The following CYP2C19 variants were observed in gnomAD, a reference collection of about 807,000 sequenced individuals.
CYP2C19 encodes the protein cytochrome P450 family 2 subfamily C member 19.
In CYP2C19, 59 loss-of-function variants were observed where a neutral mutation model predicts 40.9. The observed-to-expected ratio is 1.44, with a 90% CI of 1.17 to 1.79. The LOEUF (loss-of-function observed/expected upper bound fraction) is 1.79. CYP2C19 is among the 40% of genes most tolerant of loss of function. CYP2C19 has a pLI of 0.00. For missense variants in CYP2C19, 754 were observed against 596.9 expected (o/e 1.26, Z -2.74); for synonymous variants, 253 against 208.7 (o/e 1.21, Z -1.83).
At chr10:94,846,970 G>T (rs1012645033) in intron 7 of CYP2C19, among the ~76,000 whole-genome samples, 6 of 152,056 alleles carry the variant, frequency 3.9e-5, no homozygotes, top group Non-Finnish European at 7.4e-5. Flanking sequence ...TCTAGAAGAC[G>T]TCGTTTGAAG....
At chr10:94,802,635 G>A (rs1411574193) in intron 5 of CYP2C19, among the ~76,000 whole-genome samples, 3 of 152,068 alleles carry the variant, frequency 2.0e-5, no homozygotes, top group African/African-American at 7.2e-5. Context: ...TATGATGTTA[G>A]CCAGTTATTT....
chr10:94,820,349 C>G (rs570283250), intron 5 of CYP2C19, 147 bp from the exon 6 acceptor site: 293 of 896,072 alleles, frequency 3.3e-4, no homozygotes, highest in Middle Eastern at 6.9e-4. Flanking sequence ...GATGCCCTCT[C>G]TCACCGCTCC....
chr10:94,789,894 G>A (rs1477084846), intron 5 of CYP2C19, among the ~76,000 whole-genome samples: 1 of 152,146 alleles, frequency 6.6e-6, no homozygotes, highest in Non-Finnish European at 1.5e-5. Flanking sequence ...CTCAATGGTA[G>A]CTTGATGGGG....
At chr10:94,774,567 A>G (rs541035683) in intron 1 of CYP2C19, 1 of 168,052 alleles carries the variant, frequency 6.0e-6, no homozygotes, top group East Asian at 1.7e-4. Context: ...TGCTTTTACT[A>G]TAAATGCTAT....
chr10:94,829,734 C>A (rs1317447510), intron 6 of CYP2C19, among the ~76,000 whole-genome samples: 2 of 151,928 alleles, frequency 1.3e-5, no homozygotes, highest in South Asian at 2.1e-4. Context: ...AGGCGCTCTG[C>A]TTTTTAGAGT....
chr10:94,847,677 A>G (rs1044042623), intron 7 of CYP2C19, among the ~76,000 whole-genome samples: 2 of 152,180 alleles, frequency 1.3e-5, no homozygotes, highest in South Asian at 2.1e-4. Context: ...TGGTTGAACT[A>G]GTTTACAGTC....
chr10:94,778,829 C>T (rs1848444864), intron 3 of CYP2C19, among the ~76,000 whole-genome samples: 2 of 152,132 alleles, frequency 1.3e-5, no homozygotes. Context: ...TTTATTGCAG[C>T]ACTATTTACA....
intron 6 of CYP2C19, among the ~76,000 whole-genome samples, chr10:94,829,742 A>T (rs960924033): frequency 6.6e-6 from 1 of 151,452 alleles, no homozygotes; most frequent in African/African-American, 2.4e-5. Context: ...TGCTTTTTAG[A>T]GTTTCCAGTT....
intron 8 of CYP2C19, among the ~76,000 whole-genome samples, chr10:94,851,385 G>T (rs1169954269): frequency 1.3e-5 from 2 of 151,450 alleles, no homozygotes; most frequent in East Asian, 3.9e-4. Flanking sequence ...CCAACACTGG[G>T]AATTAGAATT....
chr10:94,808,709 A>G (rs923372720), intron 5 of CYP2C19, among the ~76,000 whole-genome samples: 2 of 152,052 alleles, frequency 1.3e-5, no homozygotes, highest in African/African-American at 2.4e-5. Flanking sequence ...TTCCTGGTTT[A>G]TTTCACTTAA....
chr10:94,789,416 G>T (rs1457637264), intron 5 of CYP2C19, among the ~76,000 whole-genome samples: 1 of 151,934 alleles, frequency 6.6e-6, no homozygotes, highest in Non-Finnish European at 1.5e-5. Flanking sequence ...TAAAGTCCTT[G>T]CCCATGCCTA....
At chr10:94,833,332 G>A (rs1849358333) in intron 6 of CYP2C19, among the ~76,000 whole-genome samples, 1 of 152,100 alleles carries the variant, frequency 6.6e-6, no homozygotes, top group Admixed American at 6.5e-5. Context: ...TCCTTGTCAT[G>A]TTCATGATCT....
intron 1 of CYP2C19, among the ~76,000 whole-genome samples, chr10:94,767,115 G>A (rs545816525): frequency 2.0e-5 from 3 of 152,246 alleles, no homozygotes; most frequent in African/African-American, 7.2e-5. Context: ...CATTTCATTT[G>A]GACTGAGCCC....
chr10:94,780,799 G>T (rs991416630), intron 4 of CYP2C19, 140 bp downstream of exon 4: 31 of 907,528 alleles, frequency 3.4e-5, no homozygotes, highest in African/African-American at 5.1e-5. Flanking sequence ...GTGAATATCT[G>T]GAAAAGATGG....
chr10:94,768,640 T>G (rs144814091), intron 1 of CYP2C19, among the ~76,000 whole-genome samples: 3,305 of 152,246 alleles, frequency 0.022, 115 homozygotes, highest in African/African-American at 0.074. Context: ...TTTCCTTGTA[T>G]TATTTTGATA....
chr10:94,768,551 G>A (rs544687093), intron 1 of CYP2C19, among the ~76,000 whole-genome samples: 3 of 152,270 alleles, frequency 2.0e-5, no homozygotes, highest in Non-Finnish European at 4.4e-5. Flanking sequence ...ATCTAAGTAG[G>A]CAGTTGTCTG....
At chr10:94,790,407 C>T (rs1012281523) in intron 5 of CYP2C19, among the ~76,000 whole-genome samples, 1 of 152,154 alleles carries the variant, frequency 6.6e-6, no homozygotes, top group African/African-American at 2.4e-5. Flanking sequence ...TGAGAGAGGG[C>T]ATCCTTGTCT....
At chr10:94,769,687 G>T (rs1324881581) in intron 1 of CYP2C19, among the ~76,000 whole-genome samples, 1 of 152,118 alleles carries the variant, frequency 6.6e-6, no homozygotes, top group East Asian at 1.9e-4. Context: ...ACAATATCCT[G>T]TAATCCTTCA....
chr10:94,796,990 T>C (rs954919709), intron 5 of CYP2C19, among the ~76,000 whole-genome samples: 4 of 152,082 alleles, frequency 2.6e-5, no homozygotes, highest in African/African-American at 9.7e-5. Context: ...AATTTCTTTC[T>C]CCTACCTGAT....
Sources: gnomAD v4.1 joint callset for allele counts (sites outside exome capture counted in the v4.1 genomes callset) on GRCh38, gnomAD v4.1.1 for gene constraint, MANE v1.5 for transcripts, NCBI Gene and HGNC (gene_info 2026-07-23, HGNC 2026-07-21) for gene names.